Variants in PTPRM observed in about 807,000 individuals in gnomAD.
The protein encoded by PTPRM is receptor-type tyrosine-protein phosphatase mu.
Under a neutral mutation model 186.7 loss-of-function variants are expected in PTPRM, and 47 were observed. The ratio of observed to expected loss-of-function variants is 0.25; its 90% CI spans 0.20 to 0.32. PTPRM has a LOEUF of 0.32. Among genes scored for constraint, PTPRM ranks in the 10% least tolerant of loss-of-function variants. The pLI is 1.00. For synonymous variants in PTPRM, 668 were observed against 674.9 expected (o/e 0.99, Z 0.16); for missense variants, 1,494 against 1,865.0 (o/e 0.80, Z 3.66).
chr18:8,170,324 G>A lies in PTPRM; in HGVS notation c.2300+26545G>A, dbSNP rs117337638. On this transcript the variant is annotated intron_variant, in intron 14 of 32. Coordinates refer to ENST00000580170, the MANE Select transcript of PTPRM (RefSeq NM_001105244.2). Reference sequence around the variant, plus strand: ...AAGTTCTCAGCCAAGAAAAGGTCCCGGTGTGATTGATGGCTGTGCTGGCCG... The same window carrying A: ...AAGTTCTCAGCCAAGAAAAGGTCCCAGTGTGATTGATGGCTGTGCTGGCCG... Among the ~76,000 whole-genome samples the A allele has an allele frequency of 8.6e-3, 1,315 of 152,210 alleles. 9 individuals carry two copies. Among genetic ancestry groups the A allele is most frequent in the African/African-American group, 0.023 (955 of 41,530 alleles).
At chr18:8,381,075 C>A (rs628891) in intron 29 of PTPRM, among the ~76,000 whole-genome samples, 3 of 151,858 alleles carry the variant, frequency 2.0e-5, no homozygotes, top group African/African-American at 7.3e-5. Context: ...ATAAATGGGG[C>A]TTTTGCATAG....
intron 2 of PTPRM, among the ~76,000 whole-genome samples, chr18:7,834,759 A>G (rs528695380): frequency 6.6e-6 from 1 of 151,766 alleles, no homozygotes; most frequent in African/African-American, 2.4e-5. Context: ...CTTTACTATA[A>G]GGCTTTTTAT....
At chr18:7,994,006 A>G (rs1430579229) in intron 7 of PTPRM, among the ~76,000 whole-genome samples, 1 of 152,072 alleles carries the variant, frequency 6.6e-6, no homozygotes, top group African/African-American at 2.4e-5. Context: ...CAGTTAAAAG[A>G]TATGGACTCA....
At chr18:8,135,066 AG>A (rs1183104591) in intron 13 of PTPRM, among the ~76,000 whole-genome samples, 1 of 152,314 alleles carries the variant, frequency 6.6e-6, no homozygotes, top group African/African-American at 2.4e-5. Flanking sequence ...CATATAAAGT[AG>A]GTCTTCAAAA....
chr18:7,903,968 C>T (rs148206163), intron 3 of PTPRM, among the ~76,000 whole-genome samples: 129 of 152,248 alleles, frequency 8.5e-4, no homozygotes, highest in African/African-American at 3.0e-3. Context: ...ATTGCATCTA[C>T]GATAGACTCG....
intron 5 of PTPRM, among the ~76,000 whole-genome samples, chr18:7,929,169 T>C (rs960893595): frequency 6.6e-6 from 1 of 152,162 alleles, no homozygotes; most frequent in Non-Finnish European, 1.5e-5. Flanking sequence ...AAATTACTAG[T>C]GTGAAGCAAA....
At chr18:8,275,588 T>C (rs1185843803) in intron 19 of PTPRM, among the ~76,000 whole-genome samples, 1 of 152,192 alleles carries the variant, frequency 6.6e-6, no homozygotes, top group Non-Finnish European at 1.5e-5. Flanking sequence ...GGCAATTTTC[T>C]TGTGCTGCCT....
In PTPRM at chr18:7,910,160, T is replaced by C. The variant is rs115118944; in HGVS notation, c.547+3577T>C. Reference sequence around the variant, plus strand: ...ACATATCACTGACATAATTTATCCATGTTTAAAGTGTACAATTCAGTAGTT... The same window carrying C: ...ACATATCACTGACATAATTTATCCACGTTTAAAGTGTACAATTCAGTAGTT... On this transcript the variant is annotated intron_variant, in intron 4 of 32. Coordinates refer to ENST00000580170, the MANE Select transcript of PTPRM (RefSeq NM_001105244.2). 7.8e-3 allele frequency among the ~76,000 whole-genome samples: 1,186 copies of C among 152,336 alleles called. 22 individuals are homozygous for C. The highest frequency in any genetic ancestry group is 0.027 in the African/African-American group (1,127 of 41,572).
At chr18:7,910,209 A>T (rs1471922361) in intron 4 of PTPRM, among the ~76,000 whole-genome samples, 3 of 152,214 alleles carry the variant, frequency 2.0e-5, no homozygotes, top group African/African-American at 4.8e-5. Context: ...CAGAGTATGT[A>T]CCCGCGACCA....
intron 11 of PTPRM, among the ~76,000 whole-genome samples, chr18:8,111,234 A>G (rs764356108): frequency 6.6e-6 from 1 of 152,194 alleles, no homozygotes; most frequent in Non-Finnish European, 1.5e-5. Context: ...TGGATTTCCC[A>G]GAAGTTGTTT....
At chr18:7,726,001 C>T (rs1296108074) in intron 1 of PTPRM, among the ~76,000 whole-genome samples, 2 of 152,160 alleles carry the variant, frequency 1.3e-5, no homozygotes, top group East Asian at 3.9e-4. Flanking sequence ...GCACTGTACC[C>T]TAAACCCTGC....
intron 7 of PTPRM, among the ~76,000 whole-genome samples, chr18:8,012,085 C>T (rs28505217): frequency 0.34 from 51,810 of 152,040 alleles, 9,743 homozygotes; most frequent in Non-Finnish European, 0.43. Context: ...TGTGTGGTCA[C>T]GGTTCTGCAA....
At chr18:8,086,872 C>T (rs2090461275) in intron 10 of PTPRM, among the ~76,000 whole-genome samples, 1 of 152,022 alleles carries the variant, frequency 6.6e-6, no homozygotes, top group Non-Finnish European at 1.5e-5. Flanking sequence ...TGAGCACAAA[C>T]TTGACTTGAA....
At chr18:7,729,171 A>G (rs1238885103) in intron 1 of PTPRM, among the ~76,000 whole-genome samples, 2 of 152,178 alleles carry the variant, frequency 1.3e-5, no homozygotes. Flanking sequence ...CAGCCTCTCA[A>G]AATGCTGGGA....
At chr18:8,014,725 C>A (rs892612044) in intron 7 of PTPRM, among the ~76,000 whole-genome samples, 1 of 152,170 alleles carries the variant, frequency 6.6e-6, no homozygotes, top group Non-Finnish European at 1.5e-5. Flanking sequence ...CTCATTTATA[C>A]CCTTGTGCGT....
At chr18:8,400,423 G>C (rs1173445363) in intron 32 of PTPRM, among the ~76,000 whole-genome samples, 1 of 152,150 alleles carries the variant, frequency 6.6e-6, no homozygotes, top group Non-Finnish European at 1.5e-5. Flanking sequence ...CCCAACTCCC[G>C]GGGGAGCTTT....
intron 2 of PTPRM, among the ~76,000 whole-genome samples, chr18:7,877,769 G>A (rs1380117998): frequency 6.6e-6 from 1 of 152,168 alleles, no homozygotes; most frequent in Non-Finnish European, 1.5e-5. Flanking sequence ...ACAGTCCAGA[G>A]TACTTTGCTT....
intron 19 of PTPRM, among the ~76,000 whole-genome samples, chr18:8,295,015 C>T (rs920760430): frequency 2.6e-5 from 4 of 152,218 alleles, no homozygotes; most frequent in African/African-American, 9.6e-5. Flanking sequence ...ACTTGACAAA[C>T]TATGTAACTA....
At chr18:7,809,497 C>T (rs1234032940) in intron 2 of PTPRM, among the ~76,000 whole-genome samples, 2 of 152,112 alleles carry the variant, frequency 1.3e-5, no homozygotes, top group East Asian at 3.9e-4. Flanking sequence ...AGCCCAGGTG[C>T]ACTGTCATGT....
Sources: gnomAD v4.1 joint callset for allele counts (sites outside exome capture counted in the v4.1 genomes callset) on GRCh38, gnomAD v4.1.1 for gene constraint, MANE v1.5 for transcripts, NCBI Gene and HGNC (gene_info 2026-07-23, HGNC 2026-07-21) for gene names.